The following CFAP65 variants were observed in gnomAD, a reference collection of about 807,000 sequenced individuals.
CFAP65 encodes cilia and flagella associated protein 65, also known as cilia- and flagella-associated protein 65.
In CFAP65, 155 loss-of-function variants were observed where a neutral mutation model predicts 208.0. That is an observed-to-expected ratio of 0.75 (90% CI 0.65 to 0.85). The LOEUF is 0.85. CFAP65 is among the 40% of genes least tolerant of loss of function. The pLI, the probability that CFAP65 is intolerant of heterozygous loss-of-function variation, is 0.00. For synonymous variants in CFAP65, 970 were observed against 986.3 expected (o/e 0.98, Z 0.31); for missense variants, 2,294 against 2,451.3 (o/e 0.94, Z 1.36).
chr2:219,019,756 C>G, intron 19 of CFAP65, 37 bp from the exon 20 acceptor site: 1 of 1,582,294 alleles, frequency 6.3e-7, no homozygotes, highest in Non-Finnish European at 8.7e-7. Flanking sequence ...AGTGGGCTTG[C>G]CTCCCACCTT....
Position 219,013,510 on chromosome 2 carries a change from G to A in CFAP65, c.3846+9C>T. Reference sequence around the variant, plus strand: ...AAACTAGGGCAGGGCCAGTGTGCTGGGGCCTCACCAGGATCTCCCGGCCAT... The same window carrying A: ...AAACTAGGGCAGGGCCAGTGTGCTGAGGCCTCACCAGGATCTCCCGGCCAT... On this transcript the variant is annotated intron_variant, in intron 23 of 34. Transcript: ENST00000341552. 1 of 1,594,334 alleles carries A rather than the reference G, an allele frequency of 6.3e-7. No individual in the cohort carries two copies. Among genetic ancestry groups the A allele is most frequent in the South Asian group, 1.1e-5 (1 of 87,240 alleles).
At chr2:219,008,612 G>A (rs186093896) in intron 29 of CFAP65, among the ~76,000 whole-genome samples, 1 of 152,306 alleles carries the variant, frequency 6.6e-6, no homozygotes, top group African/African-American at 2.4e-5. Context: ...AGGTATAGTG[G>A]TGGGCACCTG....
Position 219,019,562 on chromosome 2 carries a change from G to A in CFAP65, c.3417C>T (p.Tyr1139=), listed in dbSNP as rs529101308. 1.9e-6 allele frequency: 3 copies of A among 1,613,684 alleles called. No individual in the cohort carries two copies. The African/African-American group carries it at 4.0e-5, about 21-fold the overall frequency. The part of the protein sequence containing the change: ...RLFSLDLLNS[Y]LERDPTPCEL... Reference sequence around the variant, plus strand: ...CACAGGGGGTGGGGTCACGCTCCAAGTAACTGTTAAGCAGGTCCAGAGAGA... The same window carrying A: ...CACAGGGGGTGGGGTCACGCTCCAAATAACTGTTAAGCAGGTCCAGAGAGA... Residue 1139 remains tyrosine (Y), a synonymous_variant, in exon 20 of 35, where the codon TAC becomes TAT. Transcript: ENST00000341552.
chr2:219,023,256 A>G lies in CFAP65; in HGVS notation c.2771T>C (p.Leu924Pro). 1 of 1,613,094 alleles carries G rather than the reference A, an allele frequency of 6.2e-7. No individual in the cohort carries two copies. Among genetic ancestry groups the G allele is most frequent in the Non-Finnish European group, 8.5e-7 (1 of 1,179,946 alleles). The change falls in exon 16 of 35, where the codon CTG becomes CCG. Residue 924 changes from leucine (L) to proline (P), a missense_variant. Physicochemically the swap from Leu to Pro is moderately conservative, Grantham distance 98. Coordinates refer to ENST00000341552, the MANE Select transcript of CFAP65 (RefSeq NM_194302.4). ...CCCCCTGGAGGGCTGGACAGCCAGCAGCTTTCGATGCTGCTCAGAGACCCT... is the reference window on the plus strand; with the variant it reads ...CCCCCTGGAGGGCTGGACAGCCAGCGGCTTTCGATGCTGCTCAGAGACCCT... ...EWRVSEQHRKLLAVQPSRGLI... is the reference protein window; with the variant it reads ...EWRVSEQHRKPLAVQPSRGLI...
intron 26 of CFAP65, 133 bp from the exon 27 acceptor site, chr2:219,010,218 C>T (rs2106097358): frequency 1.3e-6 from 1 of 790,098 alleles, no homozygotes; most frequent in Non-Finnish European, 2.0e-6. Context: ...TGTGCCTGGC[C>T]CTTTTGACAC....
chr2:219,036,637 T>C (rs1285787649), intron 4 of CFAP65, among the ~76,000 whole-genome samples: 1 of 151,914 alleles, frequency 6.6e-6, no homozygotes, highest in Non-Finnish European at 1.5e-5. Context: ...AGAGATGGGG[T>C]TTCACCATGT....
chr2:219,024,267 G>A lies in CFAP65; in HGVS notation c.2350-7C>T, dbSNP rs771686561. On this transcript the variant is annotated splice_polypyrimidine_tract_variant and splice_region_variant and intron_variant, in intron 14 of 34. Transcript: ENST00000341552. ...AGGACACTGCTGGAAATAGCTGGGG[G>A]TGGGAGAGGAGGAAAGCGGCCCCCC... The A allele has an allele frequency of 1.2e-6, 2 of 1,607,930 alleles. No individual in the cohort carries two copies. Among genetic ancestry groups the A allele is most frequent in the South Asian group, 1.1e-5 (1 of 90,742 alleles).
Position 219,002,920 on chromosome 2 carries a change from A to AGGCT in CFAP65, c.*13_*16dup. ...CGTGACCCCTAGCGGCATGTCGGAG[A>AGGCT]GGCTGGGCGCGGGCATTTACGGAAG... On this transcript the variant is annotated 3_prime_UTR_variant, in exon 35 of 35. Coordinates refer to ENST00000341552, the MANE Select transcript of CFAP65 (RefSeq NM_194302.4). The surrounding 1 kb of genome is among the most constrained non-coding windows in gnomAD (Gnocchi z 7.9). 1 of 1,559,738 alleles carries AGGCT rather than the reference A, an allele frequency of 6.4e-7. No homozygotes were observed. The highest frequency in any genetic ancestry group is 8.7e-7 in the Non-Finnish European group (1 of 1,150,452).
At chr2:219,009,212 G>T in intron 28 of CFAP65, 58 bp from the exon 29 acceptor site, 1 of 1,533,302 alleles carries the variant, frequency 6.5e-7, no homozygotes, top group Non-Finnish European at 9.0e-7. Context: ...CGGGGCCTAT[G>T]CTGTGAGCCC....
intron 21 of CFAP65, chr2:219,015,172 G>A (rs1408136027): frequency 1.4e-5 from 2 of 145,318 alleles, no homozygotes; most frequent in African/African-American, 5.3e-5. Flanking sequence ...CACCTGAGGA[G>A]AACGCGTGCA....
At position 219,031,750 on chromosome 2, in the gene CFAP65, G is replaced by T. The variant is rs1948057502; in HGVS notation, c.646-92C>A. On this transcript the variant is annotated intron_variant, in intron 6 of 34. Transcript: ENST00000341552. This position sits in a 1 kb window ranked among gnomAD's most constrained non-coding sequence, Gnocchi z 5.2. ...ACCCTCAGCCACCCCCAACACAACC[G>T]CTGAGGGGAGGGCCAGGCCGTGGCA... The T allele has an allele frequency of 6.8e-7, 1 of 1,468,802 alleles. No individual in the cohort carries two copies. Among genetic ancestry groups the T allele is most frequent in the Non-Finnish European group, 9.2e-7 (1 of 1,088,664 alleles). 91.0% of individuals were successfully genotyped at this position (1,468,802 alleles called of 1,614,324 possible).
At chr2:219,021,487 C>T (rs371370698) in intron 18 of CFAP65, among the ~76,000 whole-genome samples, 2 of 152,186 alleles carry the variant, frequency 1.3e-5, no homozygotes, top group African/African-American at 4.8e-5. Context: ...CTTTTCCCCA[C>T]CTAGCAGCCC....
Position 219,031,587 on chromosome 2 carries a change from C to T in CFAP65, c.717G>A (p.Leu239=). Residue 239 remains leucine (L), a synonymous_variant, in exon 7 of 35, where the codon CTG becomes CTA. Transcript: ENST00000341552. The surrounding 1 kb of genome is among the most constrained non-coding windows in gnomAD (Gnocchi z 5.2). Reference sequence around the variant, plus strand: ...GGCGGCAGATCAGCCTGTGGCAGGGCAGGGTGGCCCGTAGGCCGACACAGA... The same window carrying T: ...GGCGGCAGATCAGCCTGTGGCAGGGTAGGGTGGCCCGTAGGCCGACACAGA... ...GMFCVGLRAT[L]PCHRLICRPP... 1 of 1,614,180 alleles carries T rather than the reference C, an allele frequency of 6.2e-7. No individual in the cohort carries two copies. Among genetic ancestry groups the T allele is most frequent in the Non-Finnish European group, 8.5e-7 (1 of 1,180,008 alleles).
intron 21 of CFAP65, among the ~76,000 whole-genome samples, chr2:219,017,051 A>T (rs1946939871): frequency 6.6e-6 from 1 of 152,056 alleles, no homozygotes; most frequent in Non-Finnish European, 1.5e-5. Flanking sequence ...TGCTGCACAC[A>T]CCTCCTTCAC....
At chr2:219,005,712 A>G (rs1458568434) in intron 31 of CFAP65, 150 bp from the exon 32 acceptor site, 9 of 906,848 alleles carry the variant, frequency 9.9e-6, no homozygotes, top group Non-Finnish European at 1.5e-5. Flanking sequence ...TACTGGGTTC[A>G]GAGAACCAAG....
In CFAP65 at chr2:219,038,362, G is replaced by T. The variant is rs769051128; in HGVS notation, c.357+13C>A. 1.4e-5 allele frequency: 22 copies of T among 1,612,060 alleles called. No homozygotes were observed. The highest frequency in any genetic ancestry group is 1.9e-5 in the Non-Finnish European group (22 of 1,179,796). On this transcript the variant is annotated intron_variant, in intron 4 of 34. Transcript: ENST00000341552. ...GCCACACCCTGCTCTGCCTGCCCTG[G>T]CTGTATCCTTACCTGGGCGCTGATG...
In CFAP65 at chr2:219,031,217, G is replaced by T; in HGVS notation, c.904C>A (p.Gln302Lys). Reference protein sequence around the residue: ...TGLLEPGQASQIKVTFQPLTA... With the variant: ...TGLLEPGQASKIKVTFQPLTA... ...AGGGGCTGAAAGGTCACCTTGATCT[G>T]AGAGGCCTGGCCTGGCTCCAGGAGC... The change falls in exon 8 of 35, where the codon CAG becomes AAG. Residue 302 changes from glutamine (Q) to lysine (K), a missense_variant. Physicochemically the swap from Gln to Lys is moderately conservative, Grantham distance 53. Transcript: ENST00000341552. The surrounding 1 kb of genome is among the most constrained non-coding windows in gnomAD (Gnocchi z 5.2). 6.2e-7 allele frequency: 1 copy of T among 1,613,724 alleles called. No homozygotes were observed. Among genetic ancestry groups the T allele is most frequent in the Non-Finnish European group, 8.5e-7 (1 of 1,179,864 alleles).
Position 219,006,145 on chromosome 2 carries a change from A to T in CFAP65, c.4798T>A (p.Ser1600Thr). Residue 1600 changes from serine to threonine, a missense_variant, in exon 31 of 35, where the codon TCC becomes ACC. Transcript: ENST00000341552. ...WKLQTPKEEVSWPCPQPPSPG... is the reference protein window; with the variant it reads ...WKLQTPKEEVTWPCPQPPSPG... ...GAGGGTGGCTGGGGGCAGGGCCAGG[A>T]CACCTCCTCCTTTGGGGTCTGCAGT... 1 of 1,613,686 alleles carries T rather than the reference A, an allele frequency of 6.2e-7. No individual in the cohort carries two copies. Among genetic ancestry groups the T allele is most frequent in the Non-Finnish European group, 8.5e-7 (1 of 1,179,990 alleles).
chr2:219,011,440 G>T (rs945440630), intron 24 of CFAP65, among the ~76,000 whole-genome samples: 12 of 151,634 alleles, frequency 7.9e-5, no homozygotes, highest in Non-Finnish European at 1.2e-4. Context: ...ACACACAGCT[G>T]CTTCAAAAAT....
Sources: gnomAD v4.1 joint callset for allele counts (sites outside exome capture counted in the v4.1 genomes callset) on GRCh38, gnomAD v4.1.1 for gene constraint, Gnocchi (gnomAD v3.1) non-coding constraint, MANE v1.5 for transcripts, NCBI Gene and HGNC (gene_info 2026-07-23, HGNC 2026-07-21) for gene names.